The following HOOK1 variants were observed in gnomAD, a reference collection of about 807,000 sequenced individuals.
HOOK1 encodes the protein protein Hook homolog 1.
In HOOK1, 60 loss-of-function variants were observed where a neutral mutation model predicts 112.8. That is an observed-to-expected ratio of 0.53 (90% CI 0.43 to 0.66). The LOEUF (loss-of-function observed/expected upper bound fraction) is 0.66, where lower values mean the gene tolerates loss of function less well. HOOK1 is among the 30% of genes least tolerant of loss of function. The probability of loss-of-function intolerance (pLI) is 0.00; values close to 1 mark genes in which losing one functional copy is unlikely to be tolerated. For synonymous variants in HOOK1, 294 were observed against 283.8 expected (o/e 1.04, Z -0.36); for missense variants, 770 against 856.0 (o/e 0.90, Z 1.25).
intron 15 of HOOK1, among the ~76,000 whole-genome samples, chr1:59,862,298 G>A (rs1432648559): frequency 6.6e-6 from 1 of 152,098 alleles, no homozygotes; most frequent in African/African-American, 2.4e-5. Flanking sequence ...TAAAGAATGA[G>A]ATTTTGCCAC....
At chr1:59,855,941 T>TTTATATATATATATATAAATTA (rs2098410248) in intron 12 of HOOK1, among the ~76,000 whole-genome samples, 1 of 62,974 alleles carries the variant, frequency 1.6e-5, no homozygotes, top group African/African-American at 7.8e-5. Context: ...ACCCAGCTAA[T>TTTATATATATATATATAAATTA]TTATATATAT....
At chr1:59,837,810 A>C (rs988295683) in intron 7 of HOOK1, among the ~76,000 whole-genome samples, 14 of 152,036 alleles carry the variant, frequency 9.2e-5, no homozygotes, top group Non-Finnish European at 1.3e-4. Flanking sequence ...CCTGTTACCT[A>C]CATTAGGTAT....
intron 1 of HOOK1, 181 bp downstream of exon 1, chr1:59,815,361 C>A (rs895175293): frequency 6.6e-6 from 4 of 603,236 alleles, no homozygotes; most frequent in Non-Finnish European, 1.2e-5. Context: ...GGTGTGTGGG[C>A]GCGGGTTGGT....
intron 6 of HOOK1, 116 bp from the exon 7 acceptor site, chr1:59,836,757 C>G: frequency 1.7e-6 from 1 of 588,180 alleles, no homozygotes; most frequent in African/African-American, 1.9e-5. Flanking sequence ...TAAGGATCCT[C>G]AAATTAAGGC....
intron 1 of HOOK1, among the ~76,000 whole-genome samples, chr1:59,818,509 A>T (rs544170102): frequency 1.3e-5 from 2 of 152,356 alleles, no homozygotes; most frequent in South Asian, 4.1e-4. Flanking sequence ...TGTGGGTATC[A>T]TTTACATGTT....
rs979408344 is a variant in HOOK1 at position 59,876,001 on chromosome 1, A to T, written c.*3036A>T. ...GGCTTGGGGATGGCCTTTAGGCCAC[A>T]GTAGTGTCTGTGTTAAGTTCACTAA... is the stretch of plus-strand genomic sequence containing the variant. On this transcript the variant is annotated 3_prime_UTR_variant, in exon 22 of 22. Transcript: ENST00000371208. The T allele has an allele frequency of 6.5e-6, 1 of 152,682 alleles. No individual in the cohort carries two copies. The highest frequency in any genetic ancestry group is 1.5e-5 in the Non-Finnish European group (1 of 68,044). 9.5% of individuals were successfully genotyped at this position (152,682 alleles called of 1,614,324 possible). A position where few individuals can be genotyped will look rare whatever the true frequency, so the allele number is the denominator to read the frequency against.
chr1:59,863,826 A>T (rs1406630344), intron 16 of HOOK1: 1 of 967,314 alleles, frequency 1.0e-6, no homozygotes, highest in Non-Finnish European at 1.2e-6. Flanking sequence ...GGAAAATAGA[A>T]ATCGTCTCAT....
In HOOK1 at chr1:59,875,153, C is replaced by G. The variant is rs982535078; in HGVS notation, c.*2188C>G. ...TTGCTTATGATTGAGATTTTACAAG[C>G]CCTTCAAACTCCGTTTTAAAGGAAT... On this transcript the variant is annotated 3_prime_UTR_variant, in exon 22 of 22. Coordinates refer to ENST00000371208, the MANE Select transcript of HOOK1 (RefSeq NM_015888.6). 6.6e-6 allele frequency: 1 copy of G among 152,506 alleles called. No homozygotes were observed. The highest frequency in any genetic ancestry group is 2.4e-5 in the African/African-American group (1 of 41,414). 9.4% of individuals were successfully genotyped at this position (152,506 alleles called of 1,614,324 possible).
In HOOK1 at chr1:59,871,087, AT is replaced by A; in HGVS notation, c.1995del (p.Ile665MetfsTer10). 6.2e-7 allele frequency: 1 copy of A among 1,612,132 alleles called. No individual in the cohort carries two copies. The highest frequency in any genetic ancestry group is 2.2e-5 in the East Asian group (1 of 44,750). On this transcript the variant is annotated frameshift_variant, in exon 21 of 22. Coordinates refer to ENST00000371208, the MANE Select transcript of HOOK1 (RefSeq NM_015888.6). LOFTEE classifies it high-confidence loss of function. The part of the protein sequence containing the change: ...AKFRDYEEKL[I>X]VSAWYNKSLA... ...ATTCCGTGATTATGAAGAAAAACTC[AT>A]TGTTTCTGCGTGGTATAATAAGGTG...
chr1:59,863,839 A>G (rs2098414879), intron 16 of HOOK1: 2 of 970,426 alleles, frequency 2.1e-6, no homozygotes, highest in Non-Finnish European at 2.4e-6. Context: ...CGTCTCATGC[A>G]TGGCGGCATC....
chr1:59,844,373 G>A (rs1309833324), intron 9 of HOOK1, among the ~76,000 whole-genome samples: 1 of 151,764 alleles, frequency 6.6e-6, no homozygotes, highest in South Asian at 2.1e-4. Flanking sequence ...TATAAGCCAC[G>A]TTATTTTCAC....
chr1:59,815,025 G>A lies in HOOK1; in HGVS notation c.-93G>A, dbSNP rs966544561. The A allele has an allele frequency of 1.1e-5, 14 of 1,316,630 alleles. No individual in the cohort carries two copies. The highest frequency in any genetic ancestry group is 2.0e-5 in the Admixed American group (1 of 50,214). 81.6% of individuals were successfully genotyped at this position (1,316,630 alleles called of 1,614,324 possible). On this transcript the variant is annotated 5_prime_UTR_variant, in exon 1 of 22. Coordinates refer to ENST00000371208, the MANE Select transcript of HOOK1 (RefSeq NM_015888.6). ...TCGGGCCTGGTACCGAGCTTTCCTG[G>A]GGGCTAGCAGGTCGTGGACGCCGGC...
chr1:59,844,575 TAAGTCTTTAG>T (rs1574199080), intron 9 of HOOK1, among the ~76,000 whole-genome samples: 1 of 152,016 alleles, frequency 6.6e-6, no homozygotes, highest in Non-Finnish European at 1.5e-5. Flanking sequence ...TTGGCTATTC[TAAGTCTTTAG>T]CATTTTCCCA....
intron 9 of HOOK1, 90 bp from the exon 10 acceptor site, chr1:59,846,955 T>A: frequency 1.1e-6 from 1 of 936,918 alleles, no homozygotes; most frequent in Admixed American, 2.9e-5. Flanking sequence ...GTGTTATATA[T>A]GCATTTGCAT....
chr1:59,858,566 C>A, intron 13 of HOOK1, 51 bp downstream of exon 13: 2 of 1,160,580 alleles, frequency 1.7e-6, no homozygotes, highest in Non-Finnish European at 2.6e-6. Flanking sequence ...CATAGTGGGA[C>A]TCCATTCAAC....
At chr1:59,837,569 G>A (rs2098398557) in intron 7 of HOOK1, among the ~76,000 whole-genome samples, 1 of 152,194 alleles carries the variant, frequency 6.6e-6, no homozygotes, top group Admixed American at 6.5e-5. Context: ...ACATTTTTCT[G>A]TAATAAAACT....
At chr1:59,819,841 A>G (rs1279581121) in intron 1 of HOOK1, among the ~76,000 whole-genome samples, 3 of 152,160 alleles carry the variant, frequency 2.0e-5, no homozygotes, top group Non-Finnish European at 4.4e-5. Context: ...TAATTCTTGG[A>G]GTTTCTCTTC....
Position 59,872,821 on chromosome 1 carries a change from G to A in HOOK1, c.2043G>A (p.Met681Ile). 6.9e-7 allele frequency: 1 copy of A among 1,441,538 alleles called. No individual in the cohort carries two copies. Among genetic ancestry groups the A allele is most frequent in the South Asian group, 1.5e-5 (1 of 65,102 alleles). 89.3% of individuals were successfully genotyped at this position (1,441,538 alleles called of 1,614,324 possible). The change falls in exon 22 of 22, where the codon ATG becomes ATA. Residue 681 changes from methionine (M) to isoleucine (I), a missense_variant. By Grantham distance (10) the Met-to-Ile change is conservative. This residue lies in a region of HOOK1 where 111 missense variants were observed against 111.8 expected (regional missense o/e 0.99). Transcript: ENST00000371208. The stretch of plus-strand genomic sequence containing the variant: ...GTCTAGCATTCCAGAAACTGGGGAT[G>A]GAATCTAGACTTGTGAGCGGCGGTG... ...NKSLAFQKLG[M>I]ESRLVSGGGA... is the part of the protein sequence containing the mutation.
At chr1:59,820,472 G>C (rs2098384821) in intron 1 of HOOK1, among the ~76,000 whole-genome samples, 1 of 152,098 alleles carries the variant, frequency 6.6e-6, no homozygotes, top group Non-Finnish European at 1.5e-5. Flanking sequence ...TGCAAATCCA[G>C]TGATACTGAA....
Sources: allele counts gnomAD v4.1 joint callset (sites outside exome capture counted in the v4.1 genomes callset), GRCh38; gene constraint gnomAD v4.1.1; regional missense constraint gnomAD v4.1.1; transcripts MANE v1.5; gene names NCBI Gene and HGNC (gene_info 2026-07-23, HGNC 2026-07-21).